Variants in MSRA observed in about 807,000 individuals in gnomAD.
The protein encoded by MSRA is mitochondrial peptide methionine sulfoxide reductase.
MSRA carries 54 observed loss-of-function variants against 31.3 expected under a neutral mutation model. The observed-to-expected ratio is 1.73, with a 90% CI of 1.39 to 2.17. The LOEUF (loss-of-function observed/expected upper bound fraction) is 2.17, where lower values mean the gene tolerates loss of function less well. Ranked by LOEUF, MSRA falls within the 30% of genes most tolerant of loss-of-function variation. MSRA has a pLI of 0.00. For synonymous variants in MSRA, 169 were observed against 116.5 expected, an observed-to-expected ratio of 1.45 and a Z score of -2.90; for missense variants, 507 against 300.9, an observed-to-expected ratio of 1.69 and a Z score of -5.07.
At chr8:10,415,445 G>A (rs940515472) in intron 5 of MSRA, among the ~76,000 whole-genome samples, 5 of 152,134 alleles carry the variant, frequency 3.3e-5, no homozygotes, top group Admixed American at 6.5e-5. Context: ...CTGGGTTCAC[G>A]TGGTTCCTTC....
At chr8:10,190,602 T>C (rs1807426715) in intron 1 of MSRA, among the ~76,000 whole-genome samples, 1 of 152,232 alleles carries the variant, frequency 6.6e-6, no homozygotes, top group Non-Finnish European at 1.5e-5. Flanking sequence ...TTGGGCACTT[T>C]CTGTCAGTCC....
chr8:10,209,750 T>A (rs1809312070), intron 2 of MSRA, among the ~76,000 whole-genome samples: 1 of 152,220 alleles, frequency 6.6e-6, no homozygotes, highest in South Asian at 2.1e-4. Context: ...TCTTACGCCT[T>A]CAGGACTGAA....
intron 5 of MSRA, among the ~76,000 whole-genome samples, chr8:10,332,166 T>C (rs1389434547): frequency 6.6e-6 from 1 of 152,228 alleles, no homozygotes; most frequent in Non-Finnish European, 1.5e-5. Context: ...GAAGCATCCC[T>C]TCTCGGTCTG....
intron 1 of MSRA, among the ~76,000 whole-genome samples, chr8:10,187,052 T>A (rs1359087515): frequency 6.6e-6 from 1 of 152,220 alleles, no homozygotes; most frequent in Non-Finnish European, 1.5e-5. Flanking sequence ...TACTTTGAGC[T>A]TAACTGGAGC....
Position 10,116,621 on chromosome 8 carries a change from G to T in MSRA, c.142+61963G>T, listed in dbSNP as rs553403046. Reference sequence around the variant, plus strand: ...CATGCCATCGATAGACACCTAGGATGCTGCAGGAGCACGGAGCAGGGTCTG... The same window carrying T: ...CATGCCATCGATAGACACCTAGGATTCTGCAGGAGCACGGAGCAGGGTCTG... On this transcript the variant is annotated intron_variant, in intron 1 of 5. Transcript: ENST00000317173. Among the ~76,000 whole-genome samples the T allele has an allele frequency of 3.3e-5, 5 of 152,306 alleles. No homozygotes were observed. In the South Asian group the frequency reaches 1.0e-3, roughly 32 times the overall value.
chr8:10,333,383 G>T (rs1458601747), intron 5 of MSRA, among the ~76,000 whole-genome samples: 2 of 152,186 alleles, frequency 1.3e-5, no homozygotes, highest in Non-Finnish European at 2.9e-5. Flanking sequence ...TCCTGAAGGT[G>T]ATGGCTGAGG....
rs193250452 is a variant in MSRA at position 10,280,277 on chromosome 8, G to A, written c.332-21257G>A. On this transcript the variant is annotated intron_variant, in intron 3 of 5. Coordinates refer to ENST00000317173, the MANE Select transcript of MSRA (RefSeq NM_012331.5). ...CATTAACTTTTGCCCCCCTCTTTTA[G>A]TTCCATCCTTCAAATACCTTCGTAT... Among the ~76,000 whole-genome samples, 130 of 151,356 alleles carry A rather than the reference G, an allele frequency of 8.6e-4. No homozygotes were observed. In the East Asian group the frequency reaches 0.017, roughly 19 times the overall value.
At chr8:10,285,706 C>A (rs1365443038) in intron 3 of MSRA, among the ~76,000 whole-genome samples, 2 of 151,934 alleles carry the variant, frequency 1.3e-5, no homozygotes, top group African/African-American at 4.8e-5. Flanking sequence ...ATAAGATCAA[C>A]TTTTTCAGCT....
At chr8:10,170,002 A>C (rs1042391484) in intron 1 of MSRA, among the ~76,000 whole-genome samples, 1 of 116,744 alleles carries the variant, frequency 8.6e-6, no homozygotes, top group Non-Finnish European at 1.7e-5. Context: ...TGCAACTTCT[A>C]CCTCCTGGGC....
intron 3 of MSRA, among the ~76,000 whole-genome samples, chr8:10,248,141 G>C (rs1797721329): frequency 6.6e-6 from 1 of 152,182 alleles, no homozygotes; most frequent in Admixed American, 6.5e-5. Context: ...AGTAATTGCT[G>C]AGGTCCATTG....
chr8:10,119,764 C>T (rs1431883523), intron 1 of MSRA, among the ~76,000 whole-genome samples: 1 of 152,058 alleles, frequency 6.6e-6, no homozygotes, highest in African/African-American at 2.4e-5. Context: ...GTACTGAGAA[C>T]AATGCTGGGG....
At chr8:10,424,075 G>C (rs959772510) in intron 5 of MSRA, among the ~76,000 whole-genome samples, 1 of 152,218 alleles carries the variant, frequency 6.6e-6, no homozygotes, top group South Asian at 2.1e-4. Flanking sequence ...CGCGAACATA[G>C]TATGTGGAGC....
At chr8:10,209,523 TTTTC>T (rs1247090579) in intron 2 of MSRA, among the ~76,000 whole-genome samples, 20 of 152,312 alleles carry the variant, frequency 1.3e-4, no homozygotes, top group African/African-American at 4.6e-4. Flanking sequence ...CTTTCTTTTC[TTTTC>T]TTTCTATTTT....
chr8:10,184,469 A>G (rs1806843652), intron 1 of MSRA, among the ~76,000 whole-genome samples: 1 of 151,994 alleles, frequency 6.6e-6, no homozygotes, highest in African/African-American at 2.4e-5. Context: ...CTCGGTGAAA[A>G]TAGCAGAAAA....
At position 10,149,358 on chromosome 8, in the gene MSRA, A is replaced by G. The variant is rs760451180; in HGVS notation, c.143-58475A>G. 1.4e-3 allele frequency among the ~76,000 whole-genome samples: 207 copies of G among 152,196 alleles called. 1 individual carries two copies. The highest frequency in any genetic ancestry group is 2.0e-3 in the Non-Finnish European group (133 of 67,982). On this transcript the variant is annotated intron_variant, in intron 1 of 5. Coordinates refer to ENST00000317173, the MANE Select transcript of MSRA (RefSeq NM_012331.5). ...GGCTGGTCTCAAACTCCGCGACCTC[A>G]GGTGATCCGCCCGCCTCGGCCTCCC...
intron 1 of MSRA, among the ~76,000 whole-genome samples, chr8:10,086,237 A>AT (rs1798552317): frequency 6.6e-6 from 1 of 152,224 alleles, no homozygotes; most frequent in Admixed American, 6.5e-5. Flanking sequence ...CTAGTGGGTG[A>AT]TGAGGCATGA....
chr8:10,057,734 C>T (rs901187778), intron 1 of MSRA, among the ~76,000 whole-genome samples: 1 of 152,142 alleles, frequency 6.6e-6, no homozygotes, highest in African/African-American at 2.4e-5. Flanking sequence ...CTCTCGTTCT[C>T]TCCTGCTCCT....
intron 1 of MSRA, among the ~76,000 whole-genome samples, chr8:10,174,474 T>G (rs957325447): frequency 1.3e-5 from 2 of 152,082 alleles, no homozygotes; most frequent in African/African-American, 4.8e-5. Flanking sequence ...GGCACTGTCT[T>G]GGTTCTCTTG....
intron 1 of MSRA, among the ~76,000 whole-genome samples, chr8:10,130,511 T>C (rs1801819992): frequency 6.6e-6 from 1 of 152,172 alleles, no homozygotes; most frequent in African/African-American, 2.4e-5. Flanking sequence ...TGCTTGGATA[T>C]TTTCCCCTCC....
Sources: gnomAD v4.1 joint callset for allele counts (sites outside exome capture counted in the v4.1 genomes callset) on GRCh38, gnomAD v4.1.1 for gene constraint, MANE v1.5 for transcripts, NCBI Gene and HGNC (gene_info 2026-07-23, HGNC 2026-07-21) for gene names.